The following GPATCH2 variants were observed in gnomAD, a reference collection of about 807,000 sequenced individuals.
GPATCH2 encodes G-patch domain containing 2, also known as G patch domain-containing protein 2.
GPATCH2 carries 51 observed loss-of-function variants against 58.0 expected under a neutral mutation model. The ratio of observed to expected loss-of-function variants is 0.88; its 90% CI spans 0.70 to 1.11. The LOEUF (loss-of-function observed/expected upper bound fraction) is 1.11. GPATCH2 is among the 50% of genes most tolerant of loss of function. The pLI is 0.00. For synonymous variants in GPATCH2, 222 were observed against 218.5 expected, an observed-to-expected ratio of 1.02 and a Z score of -0.14; for missense variants, 625 against 652.2, an observed-to-expected ratio of 0.96 and a Z score of 0.45.
intron 7 of GPATCH2, among the ~76,000 whole-genome samples, chr1:217,493,976 T>A (rs1364810059): frequency 2.0e-5 from 3 of 151,780 alleles, no homozygotes; most frequent in East Asian, 1.9e-4. Context: ...AAATAAAAAA[T>A]TTATAGTTTA....
At chr1:217,559,078 C>A (rs1171199398) in intron 5 of GPATCH2, among the ~76,000 whole-genome samples, 1 of 151,958 alleles carries the variant, frequency 6.6e-6, no homozygotes, top group African/African-American at 2.4e-5. Context: ...TTAATTTAAA[C>A]AAATAATTAA....
chr1:217,463,337 C>T (rs963503387), intron 8 of GPATCH2, among the ~76,000 whole-genome samples: 1 of 151,912 alleles, frequency 6.6e-6, no homozygotes, highest in Admixed American at 6.6e-5. Flanking sequence ...TAAAATCTAC[C>T]GTAGAGATGG....
chr1:217,475,278 A>C (rs565747915), intron 8 of GPATCH2, among the ~76,000 whole-genome samples: 1 of 152,254 alleles, frequency 6.6e-6, no homozygotes. Flanking sequence ...ATCTCTACTA[A>C]AAATACAAAA....
rs991212267 is a variant in GPATCH2 at position 217,610,388 on chromosome 1, C to A, written c.1031G>T (p.Arg344Ile). The change falls in exon 5 of 10, where the codon AGA becomes ATA. Residue 344 changes from arginine to isoleucine, a missense_variant. Physicochemically the swap from Arg to Ile is moderately conservative, Grantham distance 97 (BLOSUM62 -3). Coordinates refer to ENST00000366935, the MANE Select transcript of GPATCH2 (RefSeq NM_018040.5). ...AGACATTCCATGAAGGCGACTGAGT[C>A]TAGCTTGGAAACCTGTAAAATCAAA... ...SHPSRRGFQA[R>I]LSRLHGMSSK... The A allele has an allele frequency of 2.5e-6, 4 of 1,598,162 alleles. No individual in the cohort carries two copies. In the African/African-American group the frequency reaches 5.4e-5, roughly 21 times the overall value.
At chr1:217,577,719 T>C (rs1019605727) in intron 5 of GPATCH2, among the ~76,000 whole-genome samples, 1 of 151,986 alleles carries the variant, frequency 6.6e-6, no homozygotes, top group Admixed American at 6.5e-5. Flanking sequence ...CAAAGTATCA[T>C]ATAAAATCTG....
chr1:217,465,287 A>T (rs887223310), intron 8 of GPATCH2, among the ~76,000 whole-genome samples: 3 of 152,204 alleles, frequency 2.0e-5, no homozygotes, highest in Non-Finnish European at 2.9e-5. Context: ...AAAGGAAATT[A>T]AAAGAAAGTG....
At chr1:217,563,378 G>A (rs570746077) in intron 5 of GPATCH2, among the ~76,000 whole-genome samples, 31 of 151,976 alleles carry the variant, frequency 2.0e-4, no homozygotes, top group Non-Finnish European at 3.5e-4. Context: ...CCTCCTCATG[G>A]ACTGAGCCAA....
chr1:217,599,025 CT>C (rs1667989710), intron 5 of GPATCH2, among the ~76,000 whole-genome samples: 1 of 151,954 alleles, frequency 6.6e-6, no homozygotes, highest in Non-Finnish European at 1.5e-5. Context: ...GAACTGATAC[CT>C]GAAGGACACG....
intron 5 of GPATCH2, among the ~76,000 whole-genome samples, chr1:217,549,887 T>C (rs1203250001): frequency 2.0e-5 from 3 of 152,198 alleles, no homozygotes; most frequent in Non-Finnish European, 4.4e-5. Context: ...GATTTGCTCT[T>C]AGTTGGGTGC....
At chr1:217,608,770 C>T in intron 5 of GPATCH2, 15 of 982,518 alleles carry the variant, frequency 1.5e-5, no homozygotes, top group Middle Eastern at 5.2e-4. Flanking sequence ...CATGAATTTT[C>T]ACTCCAAAGA....
chr1:217,610,321 C>CA lies in GPATCH2; in HGVS notation c.1097dup (p.Met366IlefsTer10). The CA allele has an allele frequency of 6.4e-7, 1 of 1,566,786 alleles. No homozygotes were observed. The highest frequency in any genetic ancestry group is 8.8e-7 in the Non-Finnish European group (1 of 1,138,106). On this transcript the variant is annotated frameshift_variant and splice_region_variant, in exon 5 of 10. Transcript: ENST00000366935. LOFTEE classifies it high-confidence loss of function. The stretch of plus-strand genomic sequence containing the variant: ...AATTACACAGAAAAAGTATGCCTAC[C>CA]ATTGAAGTTGGAGTCCCTCCAGATT...
At chr1:217,557,365 C>T (rs1261918455) in intron 5 of GPATCH2, among the ~76,000 whole-genome samples, 1 of 143,442 alleles carries the variant, frequency 7.0e-6, no homozygotes, top group African/African-American at 2.6e-5. Flanking sequence ...TGAGATCACA[C>T]ACCACTGTAC....
At chr1:217,592,763 T>C (rs574791297) in intron 5 of GPATCH2, among the ~76,000 whole-genome samples, 5 of 152,014 alleles carry the variant, frequency 3.3e-5, no homozygotes, top group African/African-American at 4.8e-5. Flanking sequence ...CTGTAAGACA[T>C]AGAGATAGAA....
intron 8 of GPATCH2, among the ~76,000 whole-genome samples, chr1:217,452,707 G>A (rs765699579): frequency 6.6e-5 from 10 of 151,778 alleles, no homozygotes; most frequent in Admixed American, 1.3e-4. Context: ...AACATTTTGG[G>A]TATCTTCACA....
chr1:217,522,450 C>T (rs1663515076), intron 5 of GPATCH2, among the ~76,000 whole-genome samples: 1 of 152,056 alleles, frequency 6.6e-6, no homozygotes, highest in African/African-American at 2.4e-5. Context: ...CTTTGCCGTC[C>T]AGTTTTAGTA....
rs5780985 is a variant in GPATCH2, at chr1:217,527,478, A to AT, written c.1099-12590dup. Among the ~76,000 whole-genome samples, 577 of 138,906 alleles carry AT rather than the reference A, an allele frequency of 4.2e-3. 4 individuals carry two copies. The highest frequency in any genetic ancestry group is 7.9e-3 in the African/African-American group (297 of 37,618). 91.1% of individuals were successfully genotyped at this position (138,906 alleles called of 152,430 possible). ...GCCTGGGATACGGCCAATAACATCCATTTTTTTTTTTTTTTTGACTAGGAG... is the reference window on the plus strand; with the variant it reads ...GCCTGGGATACGGCCAATAACATCCATTTTTTTTTTTTTTTTTGACTAGGAG... On this transcript the variant is annotated intron_variant, in intron 5 of 9. Transcript: ENST00000366935.
At chr1:217,498,191 G>C in intron 7 of GPATCH2, 165 bp downstream of exon 7, 1 of 742,082 alleles carries the variant, frequency 1.3e-6, no homozygotes. Context: ...TAAGGATCAC[G>C]CATTTATTTG....
chr1:217,437,679 C>T (rs1487207867), intron 9 of GPATCH2, among the ~76,000 whole-genome samples: 3 of 152,226 alleles, frequency 2.0e-5, no homozygotes, highest in Non-Finnish European at 4.4e-5. Flanking sequence ...GACTGCCTCT[C>T]TAGATTCCTC....
At chr1:217,487,854 T>G (rs921234436) in intron 8 of GPATCH2, among the ~76,000 whole-genome samples, 6 of 152,168 alleles carry the variant, frequency 3.9e-5, no homozygotes, top group African/African-American at 1.2e-4. Context: ...GTGATTCTCC[T>G]GCCTCAGCCT....
Sources: gnomAD v4.1 joint callset for allele counts (sites outside exome capture counted in the v4.1 genomes callset) on GRCh38, gnomAD v4.1.1 for gene constraint, MANE v1.5 for transcripts, NCBI Gene and HGNC (gene_info 2026-07-23, HGNC 2026-07-21) for gene names.